TASP1: variants seen among roughly 807,000 people sequenced by gnomAD.
The protein encoded by TASP1 is taspase 1.
A neutral mutation model predicts 56.6 loss-of-function variants in TASP1; 16 were observed. The ratio of observed to expected loss-of-function variants is 0.28; its 90% CI spans 0.19 to 0.43. TASP1 has a LOEUF of 0.43. TASP1 is among the 20% of genes least tolerant of loss of function. The pLI is 1.00. For missense variants in TASP1, 393 were observed against 511.6 expected (o/e 0.77, Z 2.24); for synonymous variants, 179 against 184.2 (o/e 0.97, Z 0.23).
chr20:13,569,675 G>T (rs992017528), intron 6 of TASP1, 89 bp from the exon 7 acceptor site: 3 of 1,141,112 alleles, frequency 2.6e-6, no homozygotes, highest in Non-Finnish European at 3.8e-6. Flanking sequence ...AGGCAGTTGA[G>T]AAAAAGTCTT....
the TASP1 span, among the ~76,000 whole-genome samples, chr20:13,173,392 G>A: frequency 6.6e-6 from 1 of 152,158 alleles, no homozygotes; most frequent in Non-Finnish European, 1.5e-5. Context: ...CAGTTGGTCA[G>A]CAGGTTAGAC....
chr20:13,327,718 A>T, the TASP1 span, among the ~76,000 whole-genome samples: 3 of 152,186 alleles, frequency 2.0e-5, no homozygotes, highest in Non-Finnish European at 2.9e-5. Flanking sequence ...ATGACTCCCT[A>T]TTTATAAATG....
At chr20:13,226,833 A>G in the TASP1 span, among the ~76,000 whole-genome samples, 3 of 152,230 alleles carry the variant, frequency 2.0e-5, no homozygotes, top group African/African-American at 7.2e-5. Context: ...CTATTAGCCA[A>G]ACCATGTGGT....
At chr20:13,369,353 G>A in the TASP1 span, among the ~76,000 whole-genome samples, 1 of 152,200 alleles carries the variant, frequency 6.6e-6, no homozygotes, top group Non-Finnish European at 1.5e-5. Context: ...GGCTGAGGCA[G>A]AAGAATCACT....
intron 11 of TASP1, among the ~76,000 whole-genome samples, chr20:13,442,510 G>A (rs2146242533): frequency 6.6e-6 from 1 of 152,182 alleles, no homozygotes; most frequent in East Asian, 1.9e-4. Context: ...TGGCATGGTG[G>A]TGGGTGGCTG....
chr20:13,285,869 G>C, the TASP1 span, among the ~76,000 whole-genome samples: 9 of 152,198 alleles, frequency 5.9e-5, no homozygotes, highest in Admixed American at 5.2e-4. Flanking sequence ...TCAAAGTTCA[G>C]GGGTGATGTC....
chr20:13,568,110 T>TATA (rs2046596765), intron 7 of TASP1, among the ~76,000 whole-genome samples: 1 of 152,210 alleles, frequency 6.6e-6, no homozygotes, highest in Non-Finnish European at 1.5e-5. Flanking sequence ...CTAGCCTCCC[T>TATA]ATATTACAAC....
Position 13,516,658 on chromosome 20 carries a change from G to GT in TASP1, c.874+11774dup, listed in dbSNP as rs34296221. Reference sequence around the variant, plus strand: ...ACTCATCACTTGATCTTACGCCTTTGTTTTTTTTTTTTTTTTTTTTTAACA... The same window carrying GT: ...ACTCATCACTTGATCTTACGCCTTTGTTTTTTTTTTTTTTTTTTTTTTAACA... On this transcript the variant is annotated intron_variant, in intron 10 of 13. Transcript: ENST00000337743. Among the ~76,000 whole-genome samples the GT allele has an allele frequency of 3.7e-3, 457 of 124,822 alleles. 1 individual carries two copies. The highest frequency in any genetic ancestry group is 0.012 in the South Asian group (45 of 3,626). 81.9% of individuals were successfully genotyped at this position (124,822 alleles called of 152,430 possible).
chr20:13,625,063 T>C (rs2048840115), intron 3 of TASP1, 122 bp downstream of exon 3: 1 of 635,908 alleles, frequency 1.6e-6, no homozygotes, highest in South Asian at 3.4e-5. Flanking sequence ...ACAAGCAAAA[T>C]AATTTTGTAG....
chr20:13,145,180 A>T, the TASP1 span, among the ~76,000 whole-genome samples: 1 of 152,198 alleles, frequency 6.6e-6, no homozygotes, highest in Non-Finnish European at 1.5e-5. Context: ...GCACCCAAAT[A>T]GGAAGAGAGG....
At chr20:13,428,103 C>T (rs1245290852) in intron 12 of TASP1, among the ~76,000 whole-genome samples, 1 of 152,184 alleles carries the variant, frequency 6.6e-6, no homozygotes, top group Non-Finnish European at 1.5e-5. Context: ...CATATGCCTC[C>T]TATCCTGAAT....
chr20:13,538,565 T>C (rs1029887746), intron 8 of TASP1, among the ~76,000 whole-genome samples: 1 of 152,134 alleles, frequency 6.6e-6, no homozygotes, highest in South Asian at 2.1e-4. Context: ...TGCAGATGAC[T>C]TATACCCTAA....
intron 11 of TASP1, among the ~76,000 whole-genome samples, chr20:13,437,538 G>A (rs558316709): frequency 3.3e-5 from 5 of 152,240 alleles, no homozygotes; most frequent in East Asian, 3.9e-4. Flanking sequence ...GAAATAAAGG[G>A]TATTCAATTA....
chr20:13,630,508 G>A (rs1036652567), intron 1 of TASP1, among the ~76,000 whole-genome samples: 1 of 151,800 alleles, frequency 6.6e-6, no homozygotes, highest in Non-Finnish European at 1.5e-5. Flanking sequence ...GACCAACATG[G>A]TGAAACCTCA....
At chr20:13,298,626 C>T in the TASP1 span, among the ~76,000 whole-genome samples, 3 of 152,052 alleles carry the variant, frequency 2.0e-5, no homozygotes, top group Non-Finnish European at 4.4e-5. Context: ...TATGGGTAGT[C>T]ATTGTATAAG....
At chr20:13,128,336 CAAAT>C in the TASP1 span, among the ~76,000 whole-genome samples, 249 of 152,286 alleles carry the variant, frequency 1.6e-3, 1 homozygote, top group Non-Finnish European at 3.0e-3. Context: ...GCCACCATAA[CAAAT>C]AAACCCTGTA....
chr20:13,201,642 A>G, the TASP1 span, among the ~76,000 whole-genome samples: 2 of 152,062 alleles, frequency 1.3e-5, no homozygotes, highest in Non-Finnish European at 2.9e-5. Context: ...GGTGATCAGA[A>G]CTATCATAAA....
intron 12 of TASP1, among the ~76,000 whole-genome samples, chr20:13,432,209 A>G (rs768545424): frequency 6.6e-6 from 1 of 152,252 alleles, no homozygotes; most frequent in African/African-American, 2.4e-5. Context: ...AAGTTAGAGT[A>G]GAATTCCAAC....
chr20:13,211,445 GGCAATCCT>G, the TASP1 span, among the ~76,000 whole-genome samples: 1 of 152,072 alleles, frequency 6.6e-6, no homozygotes, highest in African/African-American at 2.4e-5. Context: ...CTGAGAACAA[GGCAATCCT>G]GCAGCACTAA....
Sources: allele counts gnomAD v4.1 joint callset (sites outside exome capture counted in the v4.1 genomes callset), GRCh38; gene constraint gnomAD v4.1.1; transcripts MANE v1.5; gene names NCBI Gene and HGNC (gene_info 2026-07-23, HGNC 2026-07-21).